The following OTUD7A variants were observed in gnomAD, a reference collection of about 807,000 sequenced individuals.
The protein encoded by OTUD7A is OTU deubiquitinase 7A.
Under a neutral mutation model 65.7 loss-of-function variants are expected in OTUD7A, and 12 were observed. The observed-to-expected ratio is 0.18, with a 90% CI of 0.12 to 0.30. The LOEUF (loss-of-function observed/expected upper bound fraction) is 0.30, where lower values mean the gene tolerates loss of function less well. OTUD7A is among the 10% of genes least tolerant of loss of function. The pLI, the probability that OTUD7A is intolerant of heterozygous loss-of-function variation, is 1.00. For synonymous variants in OTUD7A, 641 were observed against 586.3 expected (o/e 1.09, Z -1.35); for missense variants, 1,148 against 1,304.8 (o/e 0.88, Z 1.85).
chr15:31,860,677 G>GTGTGTGTATATATATATATATATATATA (rs560896384), intron 1 of OTUD7A, among the ~76,000 whole-genome samples: 4 of 73,284 alleles, frequency 5.5e-5, no homozygotes, highest in Non-Finnish European at 5.3e-5. Context: ...ATGTATGTGT[G>GTGTGTGTATATATATATATATATATATA]TATATATATA....
intron 1 of OTUD7A, among the ~76,000 whole-genome samples, chr15:31,746,454 A>C (rs1409935109): frequency 6.6e-6 from 1 of 152,152 alleles, no homozygotes; most frequent in Non-Finnish European, 1.5e-5. Flanking sequence ...ATATGGGTAA[A>C]TCTCATAGAA....
chr15:31,675,096 C>G (rs1159657326), intron 1 of OTUD7A, among the ~76,000 whole-genome samples: 2 of 147,826 alleles, frequency 1.4e-5, no homozygotes, highest in African/African-American at 5.0e-5. Flanking sequence ...AGAAAAGAGG[C>G]AATAGAAAAA....
chr15:31,593,529 G>A (rs1889813874), intron 3 of OTUD7A, among the ~76,000 whole-genome samples: 1 of 152,122 alleles, frequency 6.6e-6, no homozygotes, highest in South Asian at 2.1e-4. Flanking sequence ...AACTGGATAT[G>A]TAAAAACTTG....
At chr15:31,763,568 T>C (rs1010752210) in intron 1 of OTUD7A, among the ~76,000 whole-genome samples, 1 of 152,066 alleles carries the variant, frequency 6.6e-6, no homozygotes, top group African/African-American at 2.4e-5. Flanking sequence ...GTTGAACATT[T>C]GTGTCACCAA....
At chr15:31,870,307 G>T (rs1436073284) in intron 1 of OTUD7A, among the ~76,000 whole-genome samples, 200 bp downstream of exon 1, 10 of 147,094 alleles carry the variant, frequency 6.8e-5, no homozygotes, top group Non-Finnish European at 1.5e-4. Flanking sequence ...ATGCAGACGC[G>T]CCGGCGAGCC....
chr15:31,563,809 G>A (rs907676695), intron 4 of OTUD7A, among the ~76,000 whole-genome samples: 1 of 152,208 alleles, frequency 6.6e-6, no homozygotes, highest in African/African-American at 2.4e-5. Context: ...TATGCAGAGG[G>A]GAACAGGCAG....
At chr15:31,726,053 A>G in intron 1 of OTUD7A, among the ~76,000 whole-genome samples, 1 of 64,602 alleles carries the variant, frequency 1.5e-5, no homozygotes, top group Admixed American at 1.3e-4. Flanking sequence ...AGCCAGACAG[A>G]GTTTTTTTTT....
intron 3 of OTUD7A, among the ~76,000 whole-genome samples, chr15:31,587,608 C>T (rs1255680962): frequency 6.6e-6 from 1 of 151,284 alleles, no homozygotes; most frequent in Non-Finnish European, 1.5e-5. Flanking sequence ...CCACTGCACT[C>T]CAGCCTGGGA....
At position 31,675,551 on chromosome 15, in the gene OTUD7A, A is replaced by AT. The variant is rs1189898333; in HGVS notation, c.-99-18475_-99-18474insA. Among the ~76,000 whole-genome samples the AT allele has an allele frequency of 5.9e-5, 9 of 152,364 alleles. No homozygotes were observed. The East Asian group carries it at 1.7e-3, about 29-fold the overall frequency. Reference sequence around the variant, plus strand: ...GAAGGAACCTTTTTTTCTACTTATTAAATGATATTGATTCTAATTTTTTAG... The same window carrying AT: ...GAAGGAACCTTTTTTTCTACTTATTATAATGATATTGATTCTAATTTTTTAG... On this transcript the variant is annotated intron_variant, in intron 1 of 12. Transcript: ENST00000307050.
intron 1 of OTUD7A, among the ~76,000 whole-genome samples, chr15:31,711,536 G>C (rs1203360000): frequency 2.0e-5 from 3 of 149,646 alleles, no homozygotes; most frequent in Middle Eastern, 3.4e-3. Flanking sequence ...CTCTCCAGGA[G>C]GATTAAATTC....
chr15:31,611,116 C>A (rs1465990456), intron 3 of OTUD7A, among the ~76,000 whole-genome samples: 1 of 151,958 alleles, frequency 6.6e-6, no homozygotes, highest in Non-Finnish European at 1.5e-5. Context: ...ATGACAATAA[C>A]GACACAACCT....
chr15:31,665,673 G>A (rs1361447823), intron 1 of OTUD7A, among the ~76,000 whole-genome samples: 1 of 152,132 alleles, frequency 6.6e-6, no homozygotes, highest in Non-Finnish European at 1.5e-5. Flanking sequence ...TGATTGCTCT[G>A]GCTAGGACTT....
intron 1 of OTUD7A, among the ~76,000 whole-genome samples, chr15:31,676,240 C>T (rs527751528): frequency 6.6e-6 from 1 of 152,172 alleles, no homozygotes; most frequent in African/African-American, 2.4e-5. Flanking sequence ...TGGCAGATGC[C>T]CTTAACTTCC....
chr15:31,497,598 C>T (rs2041406296), intron 10 of OTUD7A, among the ~76,000 whole-genome samples: 1 of 152,150 alleles, frequency 6.6e-6, no homozygotes, highest in Non-Finnish European at 1.5e-5. Context: ...GGCATTGACA[C>T]CTTCCATGAA....
At chr15:31,537,756 C>T (rs1277821025) in intron 5 of OTUD7A, among the ~76,000 whole-genome samples, 1 of 152,248 alleles carries the variant, frequency 6.6e-6, no homozygotes, top group Admixed American at 6.5e-5. Flanking sequence ...ACACATTTGA[C>T]ACCAAAGTGG....
chr15:31,649,776 C>G (rs975950742), intron 3 of OTUD7A: 18 of 446,440 alleles, frequency 4.0e-5, no homozygotes, highest in East Asian at 3.5e-4. Context: ...GACCCCTGGA[C>G]AGCGTGCAGG....
chr15:31,593,872 A>G (rs1376198669), intron 3 of OTUD7A, among the ~76,000 whole-genome samples: 1 of 152,160 alleles, frequency 6.6e-6, no homozygotes, highest in African/African-American at 2.4e-5. Context: ...TGTTTCTACT[A>G]TTGCCTCAGT....
rs368219890 is a variant in OTUD7A at position 31,594,754 on chromosome 15, C to T, written c.152-24557G>A. Among the ~76,000 whole-genome samples the T allele has an allele frequency of 2.5e-4, 38 of 152,326 alleles. No homozygotes were observed. The South Asian group carries it at 7.3e-3, about 29-fold the overall frequency. ...GGTGAGCAGTGCCTGCCCCGCTCTT[C>T]CCAGGTTGCCTGGTGCAGAAGGCTG... is the stretch of plus-strand genomic sequence containing the variant. On this transcript the variant is annotated intron_variant, in intron 3 of 12. Coordinates refer to ENST00000307050, the MANE Select transcript of OTUD7A (RefSeq NM_001382637.1).
chr15:31,516,490 G>A (rs546194860), intron 8 of OTUD7A, among the ~76,000 whole-genome samples: 1 of 152,288 alleles, frequency 6.6e-6, no homozygotes, highest in African/African-American at 2.4e-5. Flanking sequence ...CCAAGACTTA[G>A]GGAGGGTCCT....
Sources: gnomAD v4.1 joint callset for allele counts (sites outside exome capture counted in the v4.1 genomes callset) on GRCh38, gnomAD v4.1.1 for gene constraint, MANE v1.5 for transcripts, NCBI Gene and HGNC (gene_info 2026-07-23, HGNC 2026-07-21) for gene names.